Variants in CDH8 observed in about 807,000 individuals in gnomAD.
The protein encoded by CDH8 is cadherin-8.
A neutral mutation model predicts 68.1 loss-of-function variants in CDH8; 17 were observed. That is an observed-to-expected ratio of 0.25 (90% CI 0.17 to 0.37). The LOEUF (loss-of-function observed/expected upper bound fraction) is 0.37. Ranked by LOEUF, CDH8 falls within the 10% of genes least tolerant of loss-of-function variation. CDH8 has a pLI of 1.00. For missense variants in CDH8, 763 were observed against 999.3 expected (o/e 0.76, Z 3.19); for synonymous variants, 372 against 365.1 (o/e 1.02, Z -0.21).
rs1385952323 is a variant in CDH8 at position 61,959,984 on chromosome 16, G to GTGTGTATATATATATA, written c.253-58512_253-58511insTATATATATATACACA. Among the ~76,000 whole-genome samples, 30 of 44,536 alleles carry GTGTGTATATATATATA rather than the reference G, an allele frequency of 6.7e-4. 1 individual carries two copies. The highest frequency in any genetic ancestry group is 3.4e-3 in the East Asian group (3 of 878). The allele number at this position is 44,536 out of a possible 152,430, so 29.2% of individuals were successfully genotyped here. On this transcript the variant is annotated intron_variant, in intron 2 of 11. Coordinates refer to ENST00000577390, the MANE Select transcript of CDH8 (RefSeq NM_001796.5). Reference sequence around the variant, plus strand: ...GTATGTGGTGTATGTGTGTGTGTGTGTATATATATATATATATATATATAT... The same window carrying GTGTGTATATATATATA: ...GTATGTGGTGTATGTGTGTGTGTGTGTGTGTATATATATATATATATATATATATATATATATATAT...
At chr16:61,975,149 A>G (rs1965412512) in intron 2 of CDH8, among the ~76,000 whole-genome samples, 1 of 152,120 alleles carries the variant, frequency 6.6e-6, no homozygotes, top group Admixed American at 6.6e-5. Context: ...AGAAGCCATA[A>G]ATCTCCTTGT....
At chr16:61,727,987 G>A (rs1254593880) in intron 8 of CDH8, among the ~76,000 whole-genome samples, 1 of 150,878 alleles carries the variant, frequency 6.6e-6, no homozygotes, top group African/African-American at 2.4e-5. Context: ...CCTGACTTGG[G>A]ACATGTTATG....
At chr16:61,900,091 T>A (rs2143255134) in intron 3 of CDH8, among the ~76,000 whole-genome samples, 1 of 152,356 alleles carries the variant, frequency 6.6e-6, no homozygotes, top group East Asian at 1.9e-4. Context: ...CTTGAGCAAC[T>A]TAATTTTATA....
intron 1 of CDH8, among the ~76,000 whole-genome samples, chr16:62,031,030 T>G (rs1902312792): frequency 6.6e-6 from 1 of 152,170 alleles, no homozygotes; most frequent in African/African-American, 2.4e-5. Flanking sequence ...TTAATTATTT[T>G]TTATACATTC....
intron 10 of CDH8, among the ~76,000 whole-genome samples, chr16:61,663,889 T>C (rs1441881916): frequency 6.6e-6 from 1 of 152,024 alleles, no homozygotes; most frequent in Non-Finnish European, 1.5e-5. Context: ...TATGTGTGTC[T>C]TGAGGGGGAG....
At chr16:62,025,560 C>A (rs890077224) in intron 1 of CDH8, among the ~76,000 whole-genome samples, 3 of 152,080 alleles carry the variant, frequency 2.0e-5, no homozygotes, top group Non-Finnish European at 4.4e-5. Context: ...TCAGGGGAAA[C>A]CTTTCATCCA....
rs141964204 is a variant in CDH8 at position 61,690,118 on chromosome 16, T to C, written c.1654+23723A>G. On this transcript the variant is annotated intron_variant, in intron 10 of 11. Coordinates refer to ENST00000577390, the MANE Select transcript of CDH8 (RefSeq NM_001796.5). ...TGAATAGTGAGTCCTAGGGGATTTA[T>C]ACTGGTATTTTGGCAATGCAATATT... Among the ~76,000 whole-genome samples, 500 of 152,220 alleles carry C rather than the reference T, an allele frequency of 3.3e-3. 1 individual carries two copies. Among genetic ancestry groups the C allele is most frequent in the African/African-American group, 0.011 (476 of 41,558 alleles).
In CDH8 at chr16:61,647,758, A is replaced by T. The variant is rs541095409; in HGVS notation, c.*5850T>A. ...ACAGAAGAAATCCCAAGAAATTAACATTTGGCTTTGGTGACCTCTCATTTC... is the reference window on the plus strand; with the variant it reads ...ACAGAAGAAATCCCAAGAAATTAACTTTTGGCTTTGGTGACCTCTCATTTC... On this transcript the variant is annotated 3_prime_UTR_variant, in exon 12 of 12. Coordinates refer to ENST00000577390, the MANE Select transcript of CDH8 (RefSeq NM_001796.5). 7.2e-6 allele frequency: 5 copies of T among 697,106 alleles called. No individual in the cohort carries two copies. Among genetic ancestry groups the T allele is most frequent in the Non-Finnish European group, 1.3e-5 (5 of 381,686 alleles). The allele number at this position is 697,106 out of a possible 1,614,324, so 43.2% of individuals were successfully genotyped here. A position where few individuals can be genotyped will look rare whatever the true frequency, so the allele number is the denominator to read the frequency against.
At chr16:61,748,867 T>C (rs1159512162) in intron 8 of CDH8, among the ~76,000 whole-genome samples, 1 of 152,062 alleles carries the variant, frequency 6.6e-6, no homozygotes, top group Non-Finnish European at 1.5e-5. Flanking sequence ...AGCAGGCCTG[T>C]TGGCAACCAA....
At chr16:61,676,940 A>G (rs142387661) in intron 10 of CDH8, among the ~76,000 whole-genome samples, 8 of 152,204 alleles carry the variant, frequency 5.3e-5, no homozygotes, top group African/African-American at 1.4e-4. Context: ...ATTATTGTTA[A>G]TAGTGACGTA....
chr16:61,773,440 G>A (rs1010788361), intron 8 of CDH8, among the ~76,000 whole-genome samples: 1 of 152,110 alleles, frequency 6.6e-6, no homozygotes, highest in Non-Finnish European at 1.5e-5. Flanking sequence ...AAAAGTTACA[G>A]AAATAAGCTG....
intron 9 of CDH8, among the ~76,000 whole-genome samples, chr16:61,717,865 T>C (rs958909811): frequency 6.6e-6 from 1 of 151,486 alleles, no homozygotes; most frequent in Admixed American, 6.6e-5. Flanking sequence ...GCATCATCAT[T>C]TATCCTCACA....
intron 2 of CDH8, among the ~76,000 whole-genome samples, chr16:61,962,649 C>G (rs78135988): frequency 0.015 from 2,350 of 152,234 alleles, 30 homozygotes; most frequent in Middle Eastern, 0.038. Flanking sequence ...CAAAACTGAA[C>G]GTATGCTGTT....
chr16:61,969,799 A>T (rs904513680), intron 2 of CDH8, among the ~76,000 whole-genome samples: 6 of 152,210 alleles, frequency 3.9e-5, no homozygotes, highest in African/African-American at 1.4e-4. Flanking sequence ...ATATGAGAGC[A>T]TCAATCAAGC....
At chr16:61,789,264 CAG>C (rs967696863) in intron 8 of CDH8, 80 bp downstream of exon 8, 10 of 1,295,342 alleles carry the variant, frequency 7.7e-6, no homozygotes, top group East Asian at 2.5e-5. Context: ...CTAACAGAAA[CAG>C]GGGCTGCTTA....
chr16:62,032,817 G>A (rs561240379), intron 1 of CDH8, among the ~76,000 whole-genome samples: 86 of 152,300 alleles, frequency 5.6e-4, no homozygotes, highest in African/African-American at 1.9e-3. Context: ...TGATAAAGCC[G>A]TGAGGTGTGC....
Position 62,021,521 on chromosome 16 carries a change from G to C in CDH8, c.-118C>G. The C allele has an allele frequency of 6.7e-7, 1 of 1,484,096 alleles. No homozygotes were observed. The highest frequency in any genetic ancestry group is 1.5e-5 in the South Asian group (1 of 68,568). The allele number at this position is 1,484,096 out of a possible 1,614,324, so 91.9% of individuals were successfully genotyped here. ...GCATTTACTTACAGCTCTGCCACGT[G>C]TCTATAGCACGGGAAACAGACATCA... On this transcript the variant is annotated 5_prime_UTR_variant, in exon 2 of 12. Coordinates refer to ENST00000577390, the MANE Select transcript of CDH8 (RefSeq NM_001796.5).
intron 8 of CDH8, among the ~76,000 whole-genome samples, chr16:61,741,881 G>T (rs573986232): frequency 1.3e-5 from 2 of 151,868 alleles, no homozygotes; most frequent in Non-Finnish European, 2.9e-5. Flanking sequence ...ATACACACAC[G>T]TGCACATGCA....
chr16:61,858,136 G>A (rs571593539), intron 3 of CDH8, among the ~76,000 whole-genome samples: 81 of 151,946 alleles, frequency 5.3e-4, no homozygotes, highest in African/African-American at 1.7e-3. Flanking sequence ...CTCGCAGTTC[G>A]AGGGGGAATA....
Sources: gnomAD v4.1 joint callset for allele counts (sites outside exome capture counted in the v4.1 genomes callset) on GRCh38, gnomAD v4.1.1 for gene constraint, MANE v1.5 for transcripts, NCBI Gene and HGNC (gene_info 2026-07-23, HGNC 2026-07-21) for gene names.